NRXN1: variants seen among roughly 807,000 people sequenced by gnomAD.
NRXN1 encodes the protein neurexin 1, also known as neurexin-1.
A neutral mutation model predicts 150.9 loss-of-function variants in NRXN1; 39 were observed. The observed-to-expected ratio is 0.26, with a 90% CI of 0.20 to 0.34. The LOEUF is 0.34. Among genes scored for constraint, NRXN1 ranks in the 10% least tolerant of loss-of-function variants. The pLI, the probability that NRXN1 is intolerant of heterozygous loss-of-function variation, is 1.00. For synonymous variants in NRXN1, 924 were observed against 757.0 expected (o/e 1.22, Z -3.62); for missense variants, 1,815 against 1,949.9 (o/e 0.93, Z 1.30).
chr2:49,925,032 C>G (rs539324143), intron 22 of NRXN1, among the ~76,000 whole-genome samples: 2 of 152,208 alleles, frequency 1.3e-5, no homozygotes, highest in South Asian at 4.1e-4. Flanking sequence ...TGGCTCACAT[C>G]TGTAATCCCA....
At chr2:50,706,983 T>C (rs545581901) in intron 5 of NRXN1, among the ~76,000 whole-genome samples, 1 of 152,274 alleles carries the variant, frequency 6.6e-6, no homozygotes, top group East Asian at 1.9e-4. Flanking sequence ...AAATTTCAAA[T>C]GAACTTACAC....
At chr2:50,246,057 G>C (rs978616115) in intron 17 of NRXN1, among the ~76,000 whole-genome samples, 3 of 151,816 alleles carry the variant, frequency 2.0e-5, no homozygotes, top group African/African-American at 7.3e-5. Flanking sequence ...GTCTGATTTG[G>C]GGAAAGTTTC....
chr2:50,904,112 C>G (rs1029820032), intron 5 of NRXN1, among the ~76,000 whole-genome samples: 2 of 152,102 alleles, frequency 1.3e-5, no homozygotes, highest in African/African-American at 4.8e-5. Context: ...CCCTTAGGCT[C>G]AGTAAGGCAT....
At chr2:50,659,301 G>T (rs1686946397) in intron 5 of NRXN1, among the ~76,000 whole-genome samples, 1 of 151,942 alleles carries the variant, frequency 6.6e-6, no homozygotes, top group Non-Finnish European at 1.5e-5. Context: ...CCATTACAAA[G>T]AACCTCATTA....
intron 8 of NRXN1, among the ~76,000 whole-genome samples, chr2:50,610,642 C>CATATATATATATATATAT (rs71404969): frequency 0.012 from 517 of 42,788 alleles, 50 homozygotes; most frequent in Non-Finnish European, 0.016. Flanking sequence ...TAAATAGATA[C>CATATATATATATATATAT]ATATATATAT....
At chr2:50,255,161 T>C (rs1427646196) in intron 17 of NRXN1, among the ~76,000 whole-genome samples, 3 of 152,150 alleles carry the variant, frequency 2.0e-5, no homozygotes, top group East Asian at 1.9e-4. Context: ...CAAAAAAAAC[T>C]GGAAAGTTAG....
chr2:50,951,961 A>ATTTTTT (rs1312943065), intron 2 of NRXN1, among the ~76,000 whole-genome samples: 13 of 82,636 alleles, frequency 1.6e-4, no homozygotes, highest in African/African-American at 2.4e-4. Context: ...ATATATATAT[A>ATTTTTT]TATTTTTTTT....
chr2:50,873,265 C>A (rs913241021), intron 5 of NRXN1, among the ~76,000 whole-genome samples: 2 of 151,674 alleles, frequency 1.3e-5, no homozygotes, highest in African/African-American at 4.8e-5. Flanking sequence ...ACTATATAAA[C>A]GGTTGTTAAA....
chr2:50,558,825 C>G (rs944196422), intron 8 of NRXN1, among the ~76,000 whole-genome samples: 1 of 152,030 alleles, frequency 6.6e-6, no homozygotes, highest in Non-Finnish European at 1.5e-5. Context: ...TTTGGGAGGC[C>G]GAGGAGGGCG....
At chr2:50,996,077 G>C (rs1699240860) in intron 2 of NRXN1, among the ~76,000 whole-genome samples, 1 of 152,078 alleles carries the variant, frequency 6.6e-6, no homozygotes, top group African/African-American at 2.4e-5. Flanking sequence ...AGAGTGAGCA[G>C]GTTCTGCAAG....
intron 17 of NRXN1, among the ~76,000 whole-genome samples, chr2:50,266,712 T>C (rs2152919082): frequency 6.6e-6 from 1 of 152,114 alleles, no homozygotes; most frequent in South Asian, 2.1e-4. Context: ...ACTTTCCAGC[T>C]TTTGTCTTTC....
At chr2:50,691,648 G>A (rs571772159) in intron 5 of NRXN1, among the ~76,000 whole-genome samples, 3 of 152,168 alleles carry the variant, frequency 2.0e-5, no homozygotes, top group South Asian at 2.1e-4. Flanking sequence ...ATATAGAATC[G>A]GCAGATTGAA....
chr2:50,511,993 T>C (rs898804484), intron 12 of NRXN1, among the ~76,000 whole-genome samples: 3 of 152,142 alleles, frequency 2.0e-5, no homozygotes, highest in African/African-American at 7.2e-5. Flanking sequence ...CAGTCTGTCA[T>C]CAACTAATTA....
intron 21 of NRXN1, among the ~76,000 whole-genome samples, chr2:50,027,981 C>T (rs954897183): frequency 1.1e-4 from 16 of 151,966 alleles, no homozygotes; most frequent in African/African-American, 3.9e-4. Flanking sequence ...GTGTTTAGAT[C>T]CTTTGTATGT....
At chr2:50,316,820 A>G (rs2075646581) in intron 17 of NRXN1, among the ~76,000 whole-genome samples, 1 of 151,842 alleles carries the variant, frequency 6.6e-6, no homozygotes, top group South Asian at 2.1e-4. Flanking sequence ...AAATAGGGTA[A>G]AAAAATGTCA....
chr2:50,681,039 C>T (rs1690306521), intron 5 of NRXN1, among the ~76,000 whole-genome samples: 3 of 152,078 alleles, frequency 2.0e-5, no homozygotes, highest in Admixed American at 2.0e-4. Context: ...TGCATCACTG[C>T]CTACTGTAAC....
chr2:50,293,865 C>A (rs1019414630), intron 17 of NRXN1, among the ~76,000 whole-genome samples: 30 of 152,152 alleles, frequency 2.0e-4, no homozygotes, highest in African/African-American at 7.2e-4. Context: ...GGCTGTGTGA[C>A]TGCAAGGAAG....
intron 6 of NRXN1, among the ~76,000 whole-genome samples, chr2:50,622,157 G>A (rs757007893): frequency 1.3e-5 from 2 of 152,106 alleles, no homozygotes; most frequent in African/African-American, 2.4e-5. Context: ...AGCATGCAGG[G>A]CCCCTCCCAT....
intron 17 of NRXN1, among the ~76,000 whole-genome samples, chr2:50,335,558 T>C (rs2077127668): frequency 6.6e-6 from 1 of 152,092 alleles, no homozygotes; most frequent in Admixed American, 6.6e-5. Context: ...AGGCTTAATC[T>C]AAATTCTAAA....
Sources: allele counts gnomAD v4.1 joint callset (sites outside exome capture counted in the v4.1 genomes callset), GRCh38; gene constraint gnomAD v4.1.1; transcripts MANE v1.5; gene names NCBI Gene and HGNC (gene_info 2026-07-23, HGNC 2026-07-21).